The following UBE2E2 variants were observed in gnomAD, a reference collection of about 807,000 sequenced individuals.
UBE2E2 encodes the protein ubiquitin-conjugating enzyme E2 E2.
In UBE2E2, 6 loss-of-function variants were observed where a neutral mutation model predicts 24.7. The ratio of observed to expected loss-of-function variants is 0.24; its 90% CI spans 0.13 to 0.48. UBE2E2 has a LOEUF of 0.48. Among genes scored for constraint, UBE2E2 ranks in the 20% least tolerant of loss-of-function variants. UBE2E2 has a pLI of 0.99. For synonymous variants in UBE2E2, 104 were observed against 83.6 expected (o/e 1.24, Z -1.33); for missense variants, 169 against 245.0 (o/e 0.69, Z 2.07).
intron 3 of UBE2E2, among the ~76,000 whole-genome samples, chr3:23,472,380 T>G (rs192807599): frequency 1.2e-4 from 18 of 152,254 alleles, no homozygotes; most frequent in Non-Finnish European, 1.3e-4. Context: ...GAAATTTTGT[T>G]TCTTAGCACT....
At chr3:23,402,579 T>C (rs892977448) in intron 3 of UBE2E2, among the ~76,000 whole-genome samples, 4 of 152,224 alleles carry the variant, frequency 2.6e-5, no homozygotes, top group Admixed American at 6.5e-5. Context: ...ATCTTTGGTT[T>C]GGAAATTATT....
chr3:23,384,288 G>A (rs576298542), intron 3 of UBE2E2, among the ~76,000 whole-genome samples: 2 of 151,976 alleles, frequency 1.3e-5, no homozygotes, highest in South Asian at 2.1e-4. Flanking sequence ...TCAGCCTCCC[G>A]AGTAGCTGGG....
rs2125523965 is a variant in UBE2E2, at chr3:23,589,008, C to T, written c.509-726C>T. On this transcript the variant is annotated intron_variant, in intron 5 of 5. Coordinates refer to ENST00000396703, the MANE Select transcript of UBE2E2 (RefSeq NM_152653.4). This position sits in a 1 kb window ranked among gnomAD's most constrained non-coding sequence, Gnocchi z 4.1. The stretch of plus-strand genomic sequence containing the variant: ...AGGTAATCTGGCAGGAGAATGCCAC[C>T]TGCCTGTGGTGCTAGCCTAGGGTAA... 6.6e-6 allele frequency among the ~76,000 whole-genome samples: 1 copy of T among 152,256 alleles called. No homozygotes were observed. Among genetic ancestry groups the T allele is most frequent in the East Asian group, 1.9e-4 (1 of 5,180 alleles).
intron 3 of UBE2E2, among the ~76,000 whole-genome samples, chr3:23,436,370 T>A (rs1698184594): frequency 1.3e-5 from 2 of 152,214 alleles, no homozygotes; most frequent in Admixed American, 6.5e-5. Flanking sequence ...CATGTTAACA[T>A]TTCGTTAGTA....
intron 4 of UBE2E2, among the ~76,000 whole-genome samples, chr3:23,501,507 A>C (rs1175283886): frequency 6.6e-6 from 1 of 152,156 alleles, no homozygotes; most frequent in Non-Finnish European, 1.5e-5. Context: ...CCAGGAATCT[A>C]CTGAAGTCTG....
Position 23,487,335 on chromosome 3 carries a change from G to A in UBE2E2, c.228-12273G>A, listed in dbSNP as rs116885034. ...AGGTCCTGAGAGCACAGGGATATCCGAGTCAGAACCACTGCTGGGCAGCTG... is the reference window on the plus strand; with the variant it reads ...AGGTCCTGAGAGCACAGGGATATCCAAGTCAGAACCACTGCTGGGCAGCTG... On this transcript the variant is annotated intron_variant, in intron 3 of 5. Transcript: ENST00000396703. Among the ~76,000 whole-genome samples, 460 of 152,316 alleles carry A rather than the reference G, an allele frequency of 3.0e-3. 9 individuals are homozygous for A. The East Asian group carries it at 0.066, about 22-fold the overall frequency.
At chr3:23,534,171 C>G (rs1367576001) in intron 5 of UBE2E2, 1 of 967,512 alleles carries the variant, frequency 1.0e-6, no homozygotes, top group African/African-American at 1.9e-5. Context: ...GAAGCCTGGC[C>G]TGCTTTGCCT....
At chr3:23,574,161 G>A (rs983693684) in intron 5 of UBE2E2, among the ~76,000 whole-genome samples, 2 of 152,068 alleles carry the variant, frequency 1.3e-5, no homozygotes, top group Non-Finnish European at 2.9e-5. Context: ...ATTTGTGAGC[G>A]CTAAAAATTA....
At chr3:23,354,362 G>T (rs1043762849) in intron 3 of UBE2E2, among the ~76,000 whole-genome samples, 3 of 152,102 alleles carry the variant, frequency 2.0e-5, no homozygotes, top group African/African-American at 7.2e-5. Context: ...AAAAGCAATG[G>T]CAACAAAAGC....
At chr3:23,567,462 G>C (rs143096174) in intron 5 of UBE2E2, among the ~76,000 whole-genome samples, 79 of 152,202 alleles carry the variant, frequency 5.2e-4, no homozygotes, top group African/African-American at 1.8e-3. Context: ...GATAAGAATC[G>C]AAACCTTCAG....
At chr3:23,479,972 G>C (rs1426475899) in intron 3 of UBE2E2, among the ~76,000 whole-genome samples, 1 of 152,204 alleles carries the variant, frequency 6.6e-6, no homozygotes, top group African/African-American at 2.4e-5. Context: ...CCAGGCTGCA[G>C]ACTTTGCTCA....
At chr3:23,329,886 A>G (rs1695012726) in intron 3 of UBE2E2, among the ~76,000 whole-genome samples, 1 of 152,166 alleles carries the variant, frequency 6.6e-6, no homozygotes, top group Non-Finnish European at 1.5e-5. Flanking sequence ...AAACTTGACC[A>G]CTCTGGAAGA....
chr3:23,581,213 A>G (rs1032018377), intron 5 of UBE2E2, among the ~76,000 whole-genome samples: 1 of 152,222 alleles, frequency 6.6e-6, no homozygotes, highest in Admixed American at 6.5e-5. Flanking sequence ...ATGCACCACC[A>G]CACCCAGCTA....
intron 3 of UBE2E2, chr3:23,389,760 G>A (rs138752551): frequency 2.3e-5 from 4 of 173,892 alleles, no homozygotes; most frequent in African/African-American, 4.7e-5. Context: ...CTTCTTCCCC[G>A]ATAGAGTAAT....
rs558016701 is a variant in UBE2E2, at chr3:23,328,050, G to A, written c.227+110738G>A. Among the ~76,000 whole-genome samples, 8 of 135,062 alleles carry A rather than the reference G, an allele frequency of 5.9e-5. No homozygotes were observed. The South Asian group carries it at 2.0e-3, about 33-fold the overall frequency. 88.6% of individuals were successfully genotyped at this position (135,062 alleles called of 152,430 possible). A position where few individuals can be genotyped will look rare whatever the true frequency, so the allele number is the denominator to read the frequency against. On this transcript the variant is annotated intron_variant, in intron 3 of 5. Transcript: ENST00000396703. ...TTATGTTGTCTTATTACCATAAACAGAGCAGTGGTCATGATATATAAATAC... is the reference window on the plus strand; with the variant it reads ...TTATGTTGTCTTATTACCATAAACAAAGCAGTGGTCATGATATATAAATAC...
intron 3 of UBE2E2, among the ~76,000 whole-genome samples, chr3:23,225,480 A>G (rs187086867): frequency 1.9e-4 from 29 of 152,232 alleles, no homozygotes; most frequent in East Asian, 3.9e-4. Context: ...TGTATGTGGT[A>G]TGAGATTAGA....
At chr3:23,303,543 T>A (rs905204487) in intron 3 of UBE2E2, among the ~76,000 whole-genome samples, 2 of 152,218 alleles carry the variant, frequency 1.3e-5, no homozygotes, top group East Asian at 1.9e-4. Flanking sequence ...CCATGTTTAA[T>A]TCAGCTTTAG....
At chr3:23,466,182 C>T (rs907682159) in intron 3 of UBE2E2, among the ~76,000 whole-genome samples, 1 of 152,164 alleles carries the variant, frequency 6.6e-6, no homozygotes, top group Non-Finnish European at 1.5e-5. Flanking sequence ...ACACCAAAGC[C>T]ATGACTTCAT....
At chr3:23,503,770 C>T (rs1427479420) in intron 4 of UBE2E2, among the ~76,000 whole-genome samples, 3 of 151,968 alleles carry the variant, frequency 2.0e-5, no homozygotes, top group Non-Finnish European at 4.4e-5. Flanking sequence ...ATGAGAATTA[C>T]TTGAACCCAG....
Sources: allele counts gnomAD v4.1 joint callset (sites outside exome capture counted in the v4.1 genomes callset), GRCh38; gene constraint gnomAD v4.1.1; non-coding constraint Gnocchi (gnomAD v3.1); transcripts MANE v1.5; gene names NCBI Gene and HGNC (gene_info 2026-07-23, HGNC 2026-07-21).